Variants in KCNB2 observed in about 807,000 individuals in gnomAD.
KCNB2 encodes the protein delayed rectifier potassium channel protein.
In KCNB2, 15 loss-of-function variants were observed where a neutral mutation model predicts 61.5. The observed-to-expected ratio is 0.24, with a 90% confidence interval of 0.16 to 0.38. The LOEUF (loss-of-function observed/expected upper bound fraction) is 0.38. Ranked by LOEUF, KCNB2 falls within the 10% of genes least tolerant of loss-of-function variation. The pLI is 1.00. For missense variants in KCNB2, 828 were observed against 1,125.2 expected, an observed-to-expected ratio of 0.74 and a Z score of 3.78; for synonymous variants, 457 against 446.0, an observed-to-expected ratio of 1.02 and a Z score of -0.31.
intron 2 of KCNB2, among the ~76,000 whole-genome samples, chr8:72,779,051 GC>G (rs1442555331): frequency 2.0e-5 from 3 of 152,048 alleles, no homozygotes; most frequent in African/African-American, 7.2e-5. Context: ...GATTCCCTGT[GC>G]CCCAGTCACA....
chr8:72,581,642 A>C (rs951844778), intron 2 of KCNB2, among the ~76,000 whole-genome samples: 5 of 152,220 alleles, frequency 3.3e-5, no homozygotes, highest in Non-Finnish European at 7.3e-5. Flanking sequence ...ACAGTTTAAG[A>C]AAGCCGGATG....
chr8:72,811,850 A>G (rs563893236), intron 2 of KCNB2, among the ~76,000 whole-genome samples: 1 of 152,334 alleles, frequency 6.6e-6, no homozygotes, highest in South Asian at 2.1e-4. Flanking sequence ...ATGAATATTT[A>G]TGAGAAGAGA....
At chr8:72,762,425 G>A (rs1808396430) in intron 2 of KCNB2, among the ~76,000 whole-genome samples, 1 of 152,166 alleles carries the variant, frequency 6.6e-6, no homozygotes, top group African/African-American at 2.4e-5. Context: ...ATTTCACTTA[G>A]AATCCATCCC....
At chr8:72,928,703 C>G (rs1047668886) in intron 2 of KCNB2, among the ~76,000 whole-genome samples, 1 of 151,172 alleles carries the variant, frequency 6.6e-6, no homozygotes, top group African/African-American at 2.4e-5. Flanking sequence ...CACACACACA[C>G]ACACACACAC....
intron 2 of KCNB2, among the ~76,000 whole-genome samples, chr8:72,687,817 A>G (rs993398291): frequency 6.6e-6 from 1 of 152,176 alleles, no homozygotes; most frequent in Admixed American, 6.5e-5. Flanking sequence ...AAGGTGCATG[A>G]TGCCTCCATA....
At position 72,612,785 on chromosome 8, in the gene KCNB2, C is replaced by A. The variant is rs1176605678; in HGVS notation, c.579+44472C>A. 2.0e-5 allele frequency among the ~76,000 whole-genome samples: 3 copies of A among 152,078 alleles called. No homozygotes were observed. The East Asian group carries it at 5.8e-4, about 29-fold the overall frequency. On this transcript the variant is annotated intron_variant, in intron 2 of 2. Coordinates refer to ENST00000523207, the MANE Select transcript of KCNB2 (RefSeq NM_004770.3). Reference sequence around the variant, plus strand: ...AGTATGATTTTGGTCCTTAGAACTTCTAAGCTTTTTCAAGTTTGAGCTTGC... The same window carrying A: ...AGTATGATTTTGGTCCTTAGAACTTATAAGCTTTTTCAAGTTTGAGCTTGC...
chr8:72,726,266 G>A (rs1362809445), intron 2 of KCNB2, among the ~76,000 whole-genome samples: 2 of 152,164 alleles, frequency 1.3e-5, no homozygotes, highest in Non-Finnish European at 2.9e-5. Context: ...AAATCAGGAA[G>A]AGACCCCTCA....
At chr8:72,694,184 A>G (rs1216504766) in intron 2 of KCNB2, among the ~76,000 whole-genome samples, 1 of 152,198 alleles carries the variant, frequency 6.6e-6, no homozygotes, top group Non-Finnish European at 1.5e-5. Context: ...TTCAAAGGTT[A>G]TTTCTTAAAA....
intron 1 of KCNB2, among the ~76,000 whole-genome samples, chr8:72,565,415 T>C (rs1015924055): frequency 2.6e-5 from 4 of 152,186 alleles, no homozygotes; most frequent in Non-Finnish European, 5.9e-5. Context: ...TAATAGTTTT[T>C]CCCTTTAGTA....
At chr8:72,560,764 C>T (rs1806498577) in intron 1 of KCNB2, among the ~76,000 whole-genome samples, 1 of 152,054 alleles carries the variant, frequency 6.6e-6, no homozygotes, top group African/African-American at 2.4e-5. Context: ...TATAAAAGGT[C>T]CAAGATGCTT....
intron 2 of KCNB2, among the ~76,000 whole-genome samples, chr8:72,852,549 ATATT>A (rs1810135141): frequency 6.6e-6 from 1 of 152,204 alleles, no homozygotes. Context: ...ATATTATTAA[ATATT>A]TATGTGAGAT....
In KCNB2 at chr8:72,561,192, C is replaced by T. The variant is rs147065445; in HGVS notation, c.-93-6450C>T. 5.3e-3 allele frequency among the ~76,000 whole-genome samples: 792 copies of T among 150,560 alleles called. 5 individuals carry two copies. Among genetic ancestry groups the T allele is most frequent in the African/African-American group, 0.019 (760 of 40,926 alleles). On this transcript the variant is annotated intron_variant, in intron 1 of 2. Transcript: ENST00000523207. ...TTTTTTTTTGACACAGAGTCTTGCT[C>T]TGTCACTAGGCTGGAGTGCAGTGGC...
In KCNB2 at chr8:72,916,402, C is replaced by T. The variant is rs887661111; in HGVS notation, c.580-19533C>T. Among the ~76,000 whole-genome samples the T allele has an allele frequency of 4.2e-4, 64 of 152,214 alleles. 1 individual carries two copies. Among genetic ancestry groups the T allele is most frequent in the African/African-American group, 1.4e-3 (57 of 41,532 alleles). On this transcript the variant is annotated intron_variant, in intron 2 of 2. Coordinates refer to ENST00000523207, the MANE Select transcript of KCNB2 (RefSeq NM_004770.3). ...GGTCCCGCTGTGTTCCACCCCCTCA[C>T]GGGACGGGGAGCACAGGTGAGAGGA... is the stretch of plus-strand genomic sequence containing the variant.
At chr8:72,619,483 T>C (rs1012535211) in intron 2 of KCNB2, 8 of 233,432 alleles carry the variant, frequency 3.4e-5, no homozygotes, top group East Asian at 1.2e-4. Context: ...CCTCATACTA[T>C]GGGTATGAGA....
chr8:72,937,561 C>T lies in KCNB2; in HGVS notation c.2206C>T (p.Pro736Ser). The T allele has an allele frequency of 3.7e-6, 6 of 1,614,000 alleles. No homozygotes were observed. The highest frequency in any genetic ancestry group is 5.1e-6 in the Non-Finnish European group (6 of 1,179,984). ...ACAGACCCCGCCCAGCACAGCCAGGCCACTGCCAGTCACCACAGCTGACTT... is the reference window on the plus strand; with the variant it reads ...ACAGACCCCGCCCAGCACAGCCAGGTCACTGCCAGTCACCACAGCTGACTT... Reference protein sequence around the residue: ...APQTPPSTARPLPVTTADFSL... With the variant: ...APQTPPSTARSLPVTTADFSL... Residue 736 changes from proline (P) to serine (S), a missense_variant, in exon 3 of 3, where the codon CCA (proline) becomes TCA (serine). By Grantham distance (74) the Pro-to-Ser change is moderately conservative. Around this residue, in one of 4 missense-constraint regions of KCNB2, gnomAD observed 559 missense variants for 588.4 expected, o/e 0.95. Transcript: ENST00000523207.
intron 2 of KCNB2, among the ~76,000 whole-genome samples, chr8:72,779,530 TGAAAA>T (rs1479227564): frequency 6.6e-6 from 1 of 152,198 alleles, no homozygotes; most frequent in Non-Finnish European, 1.5e-5. Context: ...AGTGAGGACA[TGAAAA>T]GAAAAGTTTA....
chr8:72,691,629 A>T (rs938412856), intron 2 of KCNB2, among the ~76,000 whole-genome samples: 1 of 152,218 alleles, frequency 6.6e-6, no homozygotes, highest in African/African-American at 2.4e-5. Context: ...TCAAGCCCAG[A>T]CATTCAAATG....
At chr8:72,581,738 C>A (rs1052237662) in intron 2 of KCNB2, among the ~76,000 whole-genome samples, 1 of 152,150 alleles carries the variant, frequency 6.6e-6, no homozygotes, top group African/African-American at 2.4e-5. Context: ...TGTATAAACT[C>A]TCCATCTAAA....
intron 2 of KCNB2, among the ~76,000 whole-genome samples, chr8:72,872,537 T>C (rs1805636231): frequency 6.6e-6 from 1 of 152,230 alleles, no homozygotes; most frequent in East Asian, 1.9e-4. Context: ...AGAAGGAAGC[T>C]TGTAGATTTC....
Sources: allele counts gnomAD v4.1 joint callset (sites outside exome capture counted in the v4.1 genomes callset), GRCh38; gene constraint gnomAD v4.1.1; regional missense constraint gnomAD v4.1.1; transcripts MANE v1.5; gene names NCBI Gene and HGNC (gene_info 2026-07-23, HGNC 2026-07-21).